The following SCARA5 variants were observed in gnomAD, a reference collection of about 807,000 sequenced individuals.
SCARA5 encodes the protein scavenger receptor class A, member 5 (putative).
Under a neutral mutation model 46.3 loss-of-function variants are expected in SCARA5, and 45 were observed. That is an observed-to-expected ratio of 0.97 (90% confidence interval 0.76 to 1.24). The LOEUF (loss-of-function observed/expected upper bound fraction) is 1.24. Among genes scored for constraint, SCARA5 ranks in the 50% most tolerant of loss-of-function variants. The pLI, the probability that SCARA5 is intolerant of heterozygous loss-of-function variation, is 0.00. For synonymous variants in SCARA5, 333 were observed against 306.5 expected (o/e 1.09, Z -0.90); for missense variants, 680 against 689.0 (o/e 0.99, Z 0.15).
In SCARA5 at chr8:27,921,919, C is replaced by A. The variant is rs1040620889; in HGVS notation, c.568G>T (p.Val190Leu). The A allele has an allele frequency of 5.9e-6, 9 of 1,531,388 alleles. No individual in the cohort carries two copies. Among genetic ancestry groups the A allele is most frequent in the Non-Finnish European group, 7.8e-6 (9 of 1,147,396 alleles). 94.9% of individuals were successfully genotyped at this position (1,531,388 alleles called of 1,614,324 possible). The change falls in exon 4 of 9, where the codon GTG becomes TTG. Residue 190 changes from valine to leucine, a missense_variant. Val to Leu is a conservative substitution (Grantham distance 32, BLOSUM62 1). Coordinates refer to ENST00000354914, the MANE Select transcript of SCARA5 (RefSeq NM_173833.6). ...TAQLELYQLQ[V>L]ESNSSQLLLR... ...AGCAGCTGGCTACTGTTGCTCTCCACCTGCAGCTGGTAGAGCTCCAGCTGC... is the reference window on the plus strand; with the variant it reads ...AGCAGCTGGCTACTGTTGCTCTCCAACTGCAGCTGGTAGAGCTCCAGCTGC...
intron 8 of SCARA5, among the ~76,000 whole-genome samples, chr8:27,875,213 C>T (rs1044003760): frequency 7.4e-5 from 7 of 94,068 alleles, no homozygotes; most frequent in African/African-American, 2.2e-4. Flanking sequence ...CTCCCTCCCT[C>T]CCTCTCTTCA....
chr8:27,920,845 G>A (rs916349507), intron 4 of SCARA5, among the ~76,000 whole-genome samples: 4 of 151,070 alleles, frequency 2.6e-5, no homozygotes, highest in Non-Finnish European at 5.9e-5. Flanking sequence ...AACAGTTACA[G>A]GGCGCCTGTA....
intron 3 of SCARA5, among the ~76,000 whole-genome samples, chr8:27,934,468 G>T (rs1332623172): frequency 6.6e-6 from 1 of 152,166 alleles, no homozygotes; most frequent in Non-Finnish European, 1.5e-5. Context: ...TGGAGCTCCA[G>T]GGGCATCATG....
intron 3 of SCARA5, among the ~76,000 whole-genome samples, chr8:27,936,540 G>A (rs1807859892): frequency 7.8e-6 from 1 of 128,126 alleles, no homozygotes; most frequent in Admixed American, 9.5e-5. Flanking sequence ...AGTGAGCCGA[G>A]ATCACACCAC....
At chr8:27,949,168 C>T (rs1456656797) in intron 3 of SCARA5, among the ~76,000 whole-genome samples, 1 of 152,222 alleles carries the variant, frequency 6.6e-6, no homozygotes, top group Non-Finnish European at 1.5e-5. Context: ...CACACATGAG[C>T]AGAGCCCACG....
chr8:27,911,670 G>A (rs960710551), intron 4 of SCARA5, among the ~76,000 whole-genome samples: 2 of 149,254 alleles, frequency 1.3e-5, no homozygotes, highest in African/African-American at 4.9e-5. Flanking sequence ...CAACATGGGT[G>A]ACAAGAGTGG....
chr8:27,954,154 G>A (rs60223479), intron 3 of SCARA5, among the ~76,000 whole-genome samples: 9,467 of 152,198 alleles, frequency 0.062, 406 homozygotes, highest in East Asian at 0.19. Context: ...TCTGTCCCTG[G>A]CTGTTCCCAG....
chr8:27,988,324 G>GC (rs1396650315), intron 1 of SCARA5, among the ~76,000 whole-genome samples: 1 of 152,154 alleles, frequency 6.6e-6, no homozygotes, highest in African/African-American at 2.4e-5. Flanking sequence ...TGTCTGCATG[G>GC]CCCCCAGAGG....
chr8:27,987,516 G>C lies in SCARA5; in HGVS notation c.100C>G (p.Leu34Val), dbSNP rs1274420629. ...FDGRSLSKLN[L>V]CEDGPCHKRR... ...CAGCTGCACTCACCATCCTCACACA[G>C]GTTCAGCTTGGACAGGCTCCTGCCA... is the stretch of plus-strand genomic sequence containing the variant. The change falls in exon 2 of 9, where the codon CTG becomes GTG. Residue 34 changes from leucine to valine, a missense_variant. By Grantham distance (32) the Leu-to-Val change is conservative. Around this residue, in one of 3 missense-constraint regions of SCARA5, gnomAD observed 438 missense variants for 384.5 expected, o/e 1.14. Coordinates refer to ENST00000354914, the MANE Select transcript of SCARA5 (RefSeq NM_173833.6). The C allele has an allele frequency of 6.2e-7, 1 of 1,612,682 alleles. No homozygotes were observed. Among genetic ancestry groups the C allele is most frequent in the Admixed American group, 1.7e-5 (1 of 60,022 alleles).
At chr8:27,992,664 CAGTCCGTATAAAATA>C (rs1808806982) in exon 1 of SCARA5, 1 of 152,330 alleles carries the variant, frequency 6.6e-6, no homozygotes, top group Non-Finnish European at 1.5e-5. Context: ...CTCTCGCCGC[CAGTCCGTATAAAATA>C]AAGTTCTTGG....
At chr8:27,874,117 CAA>C (rs1806687298) in intron 8 of SCARA5, among the ~76,000 whole-genome samples, 1 of 152,326 alleles carries the variant, frequency 6.6e-6, no homozygotes, top group Admixed American at 6.5e-5. Flanking sequence ...AACAGAAAGA[CAA>C]AACAACAGAT....
chr8:27,909,830 C>T (rs2129773219), intron 4 of SCARA5, 87 bp from the exon 5 acceptor site: 1 of 829,718 alleles, frequency 1.2e-6, no homozygotes, highest in Non-Finnish European at 1.9e-6. Context: ...AACGCCCTCT[C>T]TGAGGAGAGG....
chr8:27,872,208 C>G (rs915661621), intron 8 of SCARA5, 138 bp from the exon 9 acceptor site: 1 of 755,674 alleles, frequency 1.3e-6, no homozygotes, highest in African/African-American at 1.7e-5. Context: ...CCTCTCCACG[C>G]CCCCCGAAGA....
At chr8:27,897,105 AAAG>A (rs1000424458) in intron 7 of SCARA5, among the ~76,000 whole-genome samples, 5 of 152,106 alleles carry the variant, frequency 3.3e-5, no homozygotes, top group African/African-American at 9.7e-5. Context: ...AAAAAAAGAA[AAAG>A]AAGAGGCTGA....
chr8:27,962,692 A>G (rs1287805717), intron 3 of SCARA5, among the ~76,000 whole-genome samples: 7 of 152,238 alleles, frequency 4.6e-5, no homozygotes, highest in African/African-American at 1.7e-4. Flanking sequence ...CCGCAGGCCA[A>G]GCCTTTCCCC....
intron 8 of SCARA5, among the ~76,000 whole-genome samples, chr8:27,874,806 G>A (rs1806696508): frequency 6.6e-6 from 1 of 152,162 alleles, no homozygotes; most frequent in South Asian, 2.1e-4. Context: ...TTTTCCATCT[G>A]TCTGTCTCCC....
At chr8:27,944,892 G>A (rs939432340) in intron 3 of SCARA5, among the ~76,000 whole-genome samples, 2 of 152,030 alleles carry the variant, frequency 1.3e-5, no homozygotes, top group South Asian at 2.1e-4. Context: ...GAGGTCAGGC[G>A]CTGTGACTCA....
intron 4 of SCARA5, among the ~76,000 whole-genome samples, chr8:27,918,542 G>GA (rs1266662222): frequency 2.7e-5 from 4 of 150,768 alleles, no homozygotes; most frequent in African/African-American, 9.8e-5. Context: ...GGCAGAGGAG[G>GA]AAGAGGAAAA....
intron 8 of SCARA5, among the ~76,000 whole-genome samples, 170 bp downstream of exon 8, chr8:27,879,399 C>T (rs751372503): frequency 2.6e-5 from 4 of 152,052 alleles, no homozygotes; most frequent in African/African-American, 7.2e-5. Context: ...TGATGACCAC[C>T]GGAGATGGTT....
Sources: gnomAD v4.1 joint callset for allele counts (sites outside exome capture counted in the v4.1 genomes callset) on GRCh38, gnomAD v4.1.1 for gene constraint, gnomAD v4.1.1 regional missense constraint, MANE v1.5 for transcripts, NCBI Gene and HGNC (gene_info 2026-07-23, HGNC 2026-07-21) for gene names.